TRAPPC3L: variants seen among roughly 807,000 people sequenced by gnomAD.
TRAPPC3L encodes trafficking protein particle complex subunit 3-like protein.
Under a neutral mutation model 23.7 loss-of-function variants are expected in TRAPPC3L, and 23 were observed. The ratio of observed to expected loss-of-function variants is 0.97; its 90% CI spans 0.70 to 1.37. The LOEUF is 1.37. TRAPPC3L is among the 40% of genes most tolerant of loss of function. The probability of loss-of-function intolerance (pLI) is 0.00; values close to 1 mark genes in which losing one functional copy is unlikely to be tolerated. For missense variants in TRAPPC3L, 212 were observed against 216.8 expected (o/e 0.98, Z 0.14); for synonymous variants, 81 against 77.9 (o/e 1.04, Z -0.21).
At chr6:116,503,606 T>C (rs1014734777) in intron 3 of TRAPPC3L, among the ~76,000 whole-genome samples, 3 of 152,294 alleles carry the variant, frequency 2.0e-5, no homozygotes, top group Non-Finnish European at 4.4e-5. Context: ...TATTCTAACA[T>C]TGACCACATA....
chr6:116,532,275 C>A (rs1413128038), intron 3 of TRAPPC3L, among the ~76,000 whole-genome samples: 1 of 151,772 alleles, frequency 6.6e-6, no homozygotes, highest in Non-Finnish European at 1.5e-5. Context: ...CTTTTTTTTC[C>A]TTTTTCTGGA....
rs147386453 is a variant in TRAPPC3L, at chr6:116,505,599, C to T, written c.241-4933G>A. Among the ~76,000 whole-genome samples the T allele has an allele frequency of 4.9e-4, 75 of 152,232 alleles. 2 individuals carry two copies. The East Asian group carries it at 7.9e-3, about 16-fold the overall frequency. The stretch of plus-strand genomic sequence containing the variant: ...AAAAAGAACAAAGCTGGAGGCATCA[C>T]GCTACCTGACTTCAAACTATACTAC... On this transcript the variant is annotated intron_variant, in intron 3 of 4. Transcript: ENST00000368602.
intron 1 of TRAPPC3L, chr6:116,543,988 C>A: frequency 3.4e-6 from 3 of 886,994 alleles, no homozygotes; most frequent in Non-Finnish European, 5.1e-6. Context: ...AAACTTAAGA[C>A]AATTTAGGTT....
At position 116,495,346 on chromosome 6, in the gene TRAPPC3L, C is replaced by T. The variant is rs975303723; in HGVS notation, c.*1608G>A. 5 of 152,090 alleles carry T rather than the reference C, an allele frequency of 3.3e-5. No homozygotes were observed. The highest frequency in any genetic ancestry group is 9.6e-5 in the African/African-American group (4 of 41,466). 9.4% of individuals were successfully genotyped at this position (152,090 alleles called of 1,614,324 possible). A position where few individuals can be genotyped will look rare whatever the true frequency, so the allele number is the denominator to read the frequency against. On this transcript the variant is annotated 3_prime_UTR_variant, in exon 5 of 5. Coordinates refer to ENST00000368602, the MANE Select transcript of TRAPPC3L (RefSeq NM_001139444.3). ...CCATGTTTTGCAAATGACAGGATCT[C>T]ATTCTTCTTTATGGCTGAATAGTAC...
intron 3 of TRAPPC3L, among the ~76,000 whole-genome samples, chr6:116,504,347 T>C (rs1039759208): frequency 6.6e-6 from 1 of 152,194 alleles, no homozygotes; most frequent in Non-Finnish European, 1.5e-5. Context: ...GTTGAATCTC[T>C]GAATAGACTA....
chr6:116,505,748 GA>G (rs1226800814), intron 3 of TRAPPC3L, among the ~76,000 whole-genome samples: 1 of 152,084 alleles, frequency 6.6e-6, no homozygotes, highest in African/African-American at 2.4e-5. Context: ...TGACAAACCT[GA>G]CAAAAACAAG....
At chr6:116,512,140 G>C (rs202217341) in intron 3 of TRAPPC3L, 63 of 1,613,780 alleles carry the variant, frequency 3.9e-5, no homozygotes, top group Non-Finnish European at 5.1e-5. Context: ...AGCCCAAAGA[G>C]TGCTGGGAAG....
At chr6:116,498,820 G>A (rs1005726122) in intron 4 of TRAPPC3L, among the ~76,000 whole-genome samples, 2 of 152,138 alleles carry the variant, frequency 1.3e-5, no homozygotes, top group Non-Finnish European at 2.9e-5. Flanking sequence ...TCCTACCTCT[G>A]ATTTCTTTTT....
chr6:116,516,105 C>A, intron 3 of TRAPPC3L: 1 of 1,362,288 alleles, frequency 7.3e-7, no homozygotes, highest in Non-Finnish European at 9.8e-7. Context: ...AGTATGTTTA[C>A]AAGACAATAA....
chr6:116,512,199 A>T lies in TRAPPC3L; in HGVS notation c.241-11533T>A, dbSNP rs200759433. 6.2e-6 allele frequency: 10 copies of T among 1,606,834 alleles called. No individual in the cohort carries two copies. The Admixed American group carries it at 1.5e-4, about 24-fold the overall frequency. On this transcript the variant is annotated intron_variant, in intron 3 of 4. Transcript: ENST00000368602. ...AAAACTAGCATGCTACCTACCGTCA[A>T]TGAAGAACTGAAACTCTCCCTTCAG...
In TRAPPC3L at chr6:116,495,005, G is replaced by A. The variant is rs1265501979; in HGVS notation, c.*1949C>T. 4.1e-5 allele frequency: 4 copies of A among 98,476 alleles called. No homozygotes were observed. In the East Asian group the frequency reaches 1.2e-3, roughly 30 times the overall value. 6.1% of individuals were successfully genotyped at this position (98,476 alleles called of 1,614,324 possible). On this transcript the variant is annotated 3_prime_UTR_variant, in exon 5 of 5. Transcript: ENST00000368602. ...TTTTTTTGTAGAGACAGGGGTCTAT[G>A]TTACCCAAGCTGGTCTCAAACTCCT...
chr6:116,518,426 C>T (rs756746772), intron 3 of TRAPPC3L: 40 of 152,344 alleles, frequency 2.6e-4, no homozygotes, highest in African/African-American at 9.4e-4. Context: ...TTTCTACGTA[C>T]AATATCTTTG....
intron 3 of TRAPPC3L, among the ~76,000 whole-genome samples, chr6:116,504,176 A>G (rs981646548): frequency 1.3e-5 from 2 of 152,216 alleles, no homozygotes; most frequent in Non-Finnish European, 2.9e-5. Flanking sequence ...AAGTAGACAC[A>G]ATAAAAAATG....
intron 3 of TRAPPC3L, among the ~76,000 whole-genome samples, chr6:116,526,459 G>A (rs180757242): frequency 3.9e-5 from 6 of 152,284 alleles, no homozygotes; most frequent in African/African-American, 1.4e-4. Context: ...GGATCACTTG[G>A]AGAGCATTTA....
intron 3 of TRAPPC3L, among the ~76,000 whole-genome samples, chr6:116,515,357 T>C (rs1250742577): frequency 6.6e-6 from 1 of 152,192 alleles, no homozygotes; most frequent in Non-Finnish European, 1.5e-5. Flanking sequence ...GCCTTCTGGT[T>C]ATTTCTTTGC....
intron 3 of TRAPPC3L, among the ~76,000 whole-genome samples, chr6:116,540,049 G>A (rs975297357): frequency 6.6e-6 from 1 of 152,094 alleles, no homozygotes; most frequent in African/African-American, 2.4e-5. Context: ...AAACTGGTTT[G>A]GGGCATGCAT....
intron 3 of TRAPPC3L, among the ~76,000 whole-genome samples, chr6:116,535,342 C>T (rs1001566317): frequency 7.2e-5 from 11 of 152,218 alleles, no homozygotes; most frequent in Non-Finnish European, 1.2e-4. Flanking sequence ...ATCTCCACTA[C>T]ATTGGACATG....
intron 3 of TRAPPC3L, chr6:116,517,575 C>A (rs1772252882): frequency 6.6e-6 from 1 of 152,152 alleles, no homozygotes; most frequent in South Asian, 2.1e-4. Context: ...CTGAATCCTA[C>A]AAGTATAGGA....
In TRAPPC3L at chr6:116,511,448, C is replaced by T. The variant is rs116452003; in HGVS notation, c.241-10782G>A. 7.2e-3 allele frequency among the ~76,000 whole-genome samples: 1,090 copies of T among 152,054 alleles called. 15 individuals carry two copies. Among genetic ancestry groups the T allele is most frequent in the Admixed American group, 0.023 (357 of 15,252 alleles). On this transcript the variant is annotated intron_variant, in intron 3 of 4. Coordinates refer to ENST00000368602, the MANE Select transcript of TRAPPC3L (RefSeq NM_001139444.3). ...ATGGAAAGAAGGTTAAAATGGAGCC[C>T]GTGCACTTTGAATTTATTCTCAGCA...
Sources: gnomAD v4.1 joint callset for allele counts (sites outside exome capture counted in the v4.1 genomes callset) on GRCh38, gnomAD v4.1.1 for gene constraint, MANE v1.5 for transcripts, NCBI Gene and HGNC (gene_info 2026-07-23, HGNC 2026-07-21) for gene names.